Variants in SUSD4 observed in about 807,000 individuals in gnomAD.
SUSD4 encodes the protein sushi domain containing 4, also known as sushi domain-containing protein 4.
Under a neutral mutation model 50.5 loss-of-function variants are expected in SUSD4, and 41 were observed. The observed-to-expected ratio is 0.81, with a 90% CI of 0.63 to 1.05. The LOEUF is 1.05. Among genes scored for constraint, SUSD4 ranks in the 50% least tolerant of loss-of-function variants. The pLI is 0.00. For missense variants in SUSD4, 580 were observed against 634.7 expected (o/e 0.91, Z 0.93); for synonymous variants, 257 against 257.3 (o/e 1.00, Z 0.01).
intron 2 of SUSD4, among the ~76,000 whole-genome samples, chr1:223,325,601 T>C (rs1210285504): frequency 1.3e-5 from 2 of 152,204 alleles, no homozygotes; most frequent in African/African-American, 4.8e-5. Flanking sequence ...GCAGATGATA[T>C]TATCATATAT....
chr1:223,284,426 T>C (rs1032982670), intron 3 of SUSD4, among the ~76,000 whole-genome samples: 34 of 152,158 alleles, frequency 2.2e-4, no homozygotes, highest in African/African-American at 8.2e-4. Flanking sequence ...CCCAACTCTG[T>C]CACTACCAAG....
chr1:223,344,600 T>G (rs1369897458), intron 2 of SUSD4, among the ~76,000 whole-genome samples: 2 of 151,852 alleles, frequency 1.3e-5, no homozygotes, highest in Non-Finnish European at 2.9e-5. Flanking sequence ...AATGTTCGCT[T>G]TCCTTATCAG....
At chr1:223,315,186 T>C (rs180974906) in intron 2 of SUSD4, among the ~76,000 whole-genome samples, 1 of 152,354 alleles carries the variant, frequency 6.6e-6, no homozygotes, top group East Asian at 1.9e-4. Flanking sequence ...ATTTAGTTTA[T>C]AGTTTAAATG....
intron 2 of SUSD4, among the ~76,000 whole-genome samples, chr1:223,301,560 T>C (rs1012102662): frequency 6.6e-6 from 1 of 152,160 alleles, no homozygotes; most frequent in African/African-American, 2.4e-5. Flanking sequence ...CTTAAGAGCT[T>C]TTCCCCCCTT....
intron 2 of SUSD4, among the ~76,000 whole-genome samples, chr1:223,301,433 C>A (rs1213975299): frequency 6.6e-6 from 1 of 152,120 alleles, no homozygotes; most frequent in African/African-American, 2.4e-5. Flanking sequence ...ACAACCTAAG[C>A]CAGATATTGG....
intron 3 of SUSD4, among the ~76,000 whole-genome samples, chr1:223,276,150 G>A (rs1663252461): frequency 6.6e-6 from 1 of 152,252 alleles, no homozygotes; most frequent in Non-Finnish European, 1.5e-5. Context: ...ATTCTGGATA[G>A]TTTCAGTTGC....
chr1:223,221,875 G>C lies in SUSD4; in HGVS notation c.*317C>G. The C allele has an allele frequency of 3.5e-6, 1 of 288,452 alleles. No homozygotes were observed. The highest frequency in any genetic ancestry group is 6.4e-6 in the Non-Finnish European group (1 of 156,422). 17.9% of individuals were successfully genotyped at this position (288,452 alleles called of 1,614,324 possible). ...CAGTCAATGGGATGCGTGATGATTC[G>C]GTGGGATGTGCGTGGAATTGTCCCA... On this transcript the variant is annotated 3_prime_UTR_variant, in exon 9 of 9. Transcript: ENST00000366878.
intron 3 of SUSD4, among the ~76,000 whole-genome samples, chr1:223,288,840 G>A (rs1713218): frequency 0.041 from 6,195 of 152,164 alleles, 405 homozygotes; most frequent in African/African-American, 0.14. Context: ...TGTACAAACC[G>A]AAGTTCATCA....
chr1:223,224,082 C>G (rs887062462), intron 7 of SUSD4, among the ~76,000 whole-genome samples: 3 of 152,188 alleles, frequency 2.0e-5, no homozygotes, highest in African/African-American at 7.2e-5. Context: ...GGTGTGGTGG[C>G]TCACACCTGC....
chr1:223,245,287 G>A (rs552340138), intron 5 of SUSD4, among the ~76,000 whole-genome samples: 14 of 150,838 alleles, frequency 9.3e-5, no homozygotes, highest in Non-Finnish European at 1.9e-4. Context: ...GGTCTGCAAC[G>A]TATTAGAAAA....
intron 2 of SUSD4, among the ~76,000 whole-genome samples, chr1:223,335,543 T>C (rs1316163360): frequency 6.6e-6 from 1 of 152,142 alleles, no homozygotes; most frequent in African/African-American, 2.4e-5. Context: ...CTTGTCTCAG[T>C]CTTAACAATA....
At chr1:223,296,262 T>C (rs1480334177) in intron 2 of SUSD4, among the ~76,000 whole-genome samples, 2 of 151,908 alleles carry the variant, frequency 1.3e-5, no homozygotes, top group East Asian at 1.9e-4. Flanking sequence ...GGGGGAGTGA[T>C]AGTGGGAGTG....
chr1:223,275,858 CTCT>C (rs2103101086), intron 3 of SUSD4, among the ~76,000 whole-genome samples: 1 of 152,362 alleles, frequency 6.6e-6, no homozygotes, highest in Non-Finnish European at 1.5e-5. Flanking sequence ...GCTGGCCCAT[CTCT>C]TAGCAGGTGT....
chr1:223,258,406 C>CT (rs1661850628), intron 5 of SUSD4, among the ~76,000 whole-genome samples: 1 of 152,100 alleles, frequency 6.6e-6, no homozygotes, highest in Non-Finnish European at 1.5e-5. Context: ...GAAAGGACCC[C>CT]TGGGCACTTG....
At chr1:223,243,518 C>T (rs557896895) in intron 5 of SUSD4, among the ~76,000 whole-genome samples, 2 of 152,362 alleles carry the variant, frequency 1.3e-5, no homozygotes, top group South Asian at 4.1e-4. Flanking sequence ...GGGTGGGTGG[C>T]TCAGAGGGCC....
At chr1:223,299,617 A>T (rs1407346517) in intron 2 of SUSD4, among the ~76,000 whole-genome samples, 1 of 152,184 alleles carries the variant, frequency 6.6e-6, no homozygotes, top group Admixed American at 6.5e-5. Flanking sequence ...TCAATCAAAC[A>T]TGATTCTAGG....
At chr1:223,327,626 C>T (rs1458428412) in intron 2 of SUSD4, among the ~76,000 whole-genome samples, 3 of 152,166 alleles carry the variant, frequency 2.0e-5, no homozygotes, top group Non-Finnish European at 2.9e-5. Flanking sequence ...TCCACAGTTC[C>T]GATAACCCAG....
chr1:223,233,081 A>G (rs894203124), intron 5 of SUSD4, among the ~76,000 whole-genome samples: 2 of 152,260 alleles, frequency 1.3e-5, no homozygotes, highest in Non-Finnish European at 1.5e-5. Flanking sequence ...GGATTGCACC[A>G]GGGAAGCCCC....
intron 2 of SUSD4, among the ~76,000 whole-genome samples, chr1:223,305,814 A>G (rs1050543877): frequency 9.2e-5 from 14 of 152,224 alleles, no homozygotes; most frequent in African/African-American, 2.7e-4. Flanking sequence ...GGGATGCAGA[A>G]TTCATCCATG....
Sources: gnomAD v4.1 joint callset for allele counts (sites outside exome capture counted in the v4.1 genomes callset) on GRCh38, gnomAD v4.1.1 for gene constraint, MANE v1.5 for transcripts, NCBI Gene and HGNC (gene_info 2026-07-23, HGNC 2026-07-21) for gene names.